CFP: variants seen among roughly 807,000 people sequenced by gnomAD.
CFP encodes properdin.
A neutral mutation model predicts 42.1 loss-of-function variants in CFP; 14 were observed. The observed-to-expected ratio is 0.33, with a 90% CI of 0.22 to 0.52. CFP has a LOEUF of 0.52. Ranked by LOEUF, CFP falls within the 20% of genes least tolerant of loss-of-function variation. The pLI, the probability that CFP is intolerant of heterozygous loss-of-function variation, is 0.96. For synonymous variants in CFP, 149 were observed against 160.6 expected (o/e 0.93, Z 0.54); for missense variants, 318 against 400.4 (o/e 0.79, Z 1.76).
At chrX:47,630,030 C>T (rs2057985169), upstream of CFP, 1 of 481,102 alleles carries the variant, frequency 2.1e-6, no homozygotes, top group South Asian at 3.0e-5. Flanking sequence ...TCCTGTCTTA[C>T]TCTTGGTCTT....
chrX:47,629,050 T>G, intron 2 of CFP: 1 of 151,721 alleles, frequency 6.6e-6, no homozygotes, highest in South Asian at 1.5e-4. Flanking sequence ...GCCCCCACAG[T>G]GTGTCCATAT....
chrX:47,623,996 C>A lies in CFP; in HGVS notation c.*279G>T. The A allele has an allele frequency of 5.5e-6, 2 of 366,103 alleles. No individual in the cohort carries two copies. The highest frequency in any genetic ancestry group is 9.7e-6 in the Non-Finnish European group (2 of 206,554). 30.2% of individuals were successfully genotyped at this position (366,103 alleles called of 1,213,427 possible). A position where few individuals can be genotyped will look rare whatever the true frequency, so the allele number is the denominator to read the frequency against. On this transcript the variant is annotated 3_prime_UTR_variant, in exon 9 of 9. Transcript: ENST00000396992. ...GAGGCTCTAAGGGGGCTGCGCAGGG[C>A]CCAGACATTGGGGTTATGGCAGCGG...
chrX:47,628,421 G>A (rs970991273), intron 2 of CFP, 144 bp from the exon 3 acceptor site: 1 of 580,372 alleles, frequency 1.7e-6, no homozygotes, highest in Non-Finnish European at 2.9e-6. Flanking sequence ...TAGGGATATT[G>A]GGATACTGAT....
chrX:47,629,947 G>A, upstream of CFP: 1 of 876,697 alleles, frequency 1.1e-6, no homozygotes, highest in Non-Finnish European at 1.6e-6. Flanking sequence ...AGAGGCAGGA[G>A]GAACTGGGAG....
rs906806632 is a variant in CFP, at chrX:47,627,574, C to T, written c.471G>A (p.Arg157=). Residue 157 remains arginine, a synonymous_variant, in exon 4 of 9, where the codon CGG becomes CGA. Transcript: ENST00000396992. ...PCSVTCSKGT[R]TRRRACNHPA... is the part of the protein sequence containing the mutation. ...GGTGATTACAGGCTCGCCTGCGGGT[C>T]CGGGTCCCTTTGGAGCAGGTGACAG... 8.3e-7 allele frequency: 1 copy of T among 1,205,414 alleles called. No homozygotes were observed. The highest frequency in any genetic ancestry group is 1.1e-6 in the Non-Finnish European group (1 of 892,429).
Position 47,626,515 on chromosome X carries a change from A to G in CFP, c.945T>C (p.Asp315=). 1 of 1,211,351 alleles carries G rather than the reference A, an allele frequency of 8.3e-7. No homozygotes were observed. Among genetic ancestry groups the G allele is most frequent in the Non-Finnish European group, 1.1e-6 (1 of 895,116 alleles). ...ACTCCCCCCACGAGTCCCACTCCCC[A>G]TCCACTGCAGAGACAGGGCAACAGG... The part of the protein sequence containing the change: ...ICNTAVPCPV[D]GEWDSWGEWS... The change falls in exon 7 of 9, where the codon GAT becomes GAC. Residue 315 remains aspartate, a synonymous_variant. Coordinates refer to ENST00000396992, the MANE Select transcript of CFP (RefSeq NM_001145252.3).
At position 47,627,046 on chromosome X, in the gene CFP, T is replaced by C. The variant is rs932198029; in HGVS notation, c.766+95A>G. Reference sequence around the variant, plus strand: ...GACTGTCCCCAAATGAAGGGCTGCATGGTCACATGGCCTAGGAACTCTAGA... The same window carrying C: ...GACTGTCCCCAAATGAAGGGCTGCACGGTCACATGGCCTAGGAACTCTAGA... On this transcript the variant is annotated intron_variant, in intron 5 of 8. Transcript: ENST00000396992. 28 of 1,146,217 alleles carry C rather than the reference T, an allele frequency of 2.4e-5. No homozygotes were observed. In the South Asian group the frequency reaches 4.5e-4, roughly 19 times the overall value. The allele number at this position is 1,146,217 out of a possible 1,213,427, so 94.5% of individuals were successfully genotyped here.
At chrX:47,626,710 C>G (rs2057969860) in intron 6 of CFP, 63 bp downstream of exon 6, 1 of 1,141,598 alleles carries the variant, frequency 8.8e-7, no homozygotes, top group South Asian at 2.0e-5. Flanking sequence ...GCAGCAGGAG[C>G]TGGGCAGCAG....
chrX:47,624,120 C>G lies in CFP; in HGVS notation c.*155G>C. Reference sequence around the variant, plus strand: ...CGCAACAGGCTGCTGTGTCTTGGCCCGTGCTGTGCTGTTTGCCCTATGAGA... The same window carrying G: ...CGCAACAGGCTGCTGTGTCTTGGCCGGTGCTGTGCTGTTTGCCCTATGAGA... On this transcript the variant is annotated 3_prime_UTR_variant, in exon 9 of 9. Coordinates refer to ENST00000396992, the MANE Select transcript of CFP (RefSeq NM_001145252.3). 1 of 563,296 alleles carries G rather than the reference C, an allele frequency of 1.8e-6. No homozygotes were observed. The highest frequency in any genetic ancestry group is 3.0e-6 in the Non-Finnish European group (1 of 327,878). 46.4% of individuals were successfully genotyped at this position (563,296 alleles called of 1,213,427 possible). A position where few individuals can be genotyped will look rare whatever the true frequency, so the allele number is the denominator to read the frequency against.
At position 47,626,101 on chromosome X, in the gene CFP, G is replaced by T; in HGVS notation, c.1201C>A (p.Arg401Ser). 8.5e-7 allele frequency: 1 copy of T among 1,180,006 alleles called. No homozygotes were observed. The highest frequency in any genetic ancestry group is 1.1e-6 in the Non-Finnish European group (1 of 878,770). ...GGTGTGCAGAGGCGCTGGCGGGCAC[G>T]GGTAGGATTAGGTCCACAGGGGGGC... ...CMPPCGPNPT[R>S]ARQRLCTPLL... The change falls in exon 8 of 9, where the codon CGT becomes AGT. Residue 401 changes from arginine (R) to serine (S), a missense_variant. Transcript: ENST00000396992.
rs1230069679 is a variant in CFP, at chrX:47,629,336, T to G, written c.227+188A>C. On this transcript the variant is annotated intron_variant, in intron 2 of 8. Transcript: ENST00000396992. ...CACAATACACAGGTAAGCAATCCCC[T>G]CCCCCAGCCAAGAATTTCCAGCCCC... 3 of 431,967 alleles carry G rather than the reference T, an allele frequency of 6.9e-6. No homozygotes were observed. In the African/African-American group the frequency reaches 7.5e-5, roughly 11 times the overall value. 35.6% of individuals were successfully genotyped at this position (431,967 alleles called of 1,213,427 possible).
intron 8 of CFP, chrX:47,624,689 C>T: frequency 3.2e-6 from 1 of 315,158 alleles, no homozygotes; most frequent in Non-Finnish European, 5.5e-6. Flanking sequence ...CAAAGTGTTG[C>T]TGGGATTACA....
Position 47,628,234 on chromosome X carries a change from C to T in CFP, c.271G>A (p.Val91Met), listed in dbSNP as rs1041649478. 2.5e-6 allele frequency: 3 copies of T among 1,210,901 alleles called. No individual in the cohort carries two copies. Among genetic ancestry groups the T allele is most frequent in the Non-Finnish European group, 3.4e-6 (3 of 895,058 alleles). ...SLWSTWAPCS[V>M]TCSEGSQLRY... ...AGCTGGGAGCCCTCAGAGCACGTCA[C>T]CGAACAGGGGGCCCATGTGGACCAC... Residue 91 changes from valine to methionine, a missense_variant, in exon 3 of 9, where the codon GTG becomes ATG. By Grantham distance (21) the Val-to-Met change is conservative (BLOSUM62 1). Coordinates refer to ENST00000396992, the MANE Select transcript of CFP (RefSeq NM_001145252.3).
At position 47,629,901 on chromosome X, in the gene CFP, G is replaced by C; in HGVS notation, c.-57C>G. On this transcript the variant is annotated 5_prime_UTR_variant, in exon 1 of 9. The change creates a new upstream start codon in the 5' untranslated region. Transcript: ENST00000396992. ...GAGGAGGTCCCGCTTTATCTGGGTT[G>C]ATAGGCTCCTGGAATCAGCAGGGAA... 1.8e-6 allele frequency: 2 copies of C among 1,117,154 alleles called. No homozygotes were observed. The highest frequency in any genetic ancestry group is 2.4e-6 in the Non-Finnish European group (2 of 827,095). The allele number at this position is 1,117,154 out of a possible 1,213,427, so 92.1% of individuals were successfully genotyped here.
At chrX:47,629,119 C>A (rs1180453319) in intron 2 of CFP, 1 of 167,583 alleles carries the variant, frequency 6.0e-6, no homozygotes, top group African/African-American at 3.1e-5. Context: ...CCAAGCTGCA[C>A]CCCACCTGCA....
Position 47,629,510 on chromosome X carries a change from A to G in CFP, c.227+14T>C. On this transcript the variant is annotated intron_variant, in intron 2 of 8. Transcript: ENST00000396992. ...TTCCCTCCCCCCCATCCCCCACCCCAGGCTCCCCCTAACCTGCAAGGCTGA... is the reference window on the plus strand; with the variant it reads ...TTCCCTCCCCCCCATCCCCCACCCCGGGCTCCCCCTAACCTGCAAGGCTGA... The G allele has an allele frequency of 3.5e-6, 1 of 288,617 alleles. No homozygotes were observed. Among genetic ancestry groups the G allele is most frequent in the Non-Finnish European group, 5.8e-6 (1 of 173,824 alleles). The allele number at this position is 288,617 out of a possible 1,213,427, so 23.8% of individuals were successfully genotyped here. A position where few individuals can be genotyped will look rare whatever the true frequency, so the allele number is the denominator to read the frequency against.
At chrX:47,630,298 C>T (rs749021048), upstream of CFP, 9 of 164,749 alleles carry the variant, frequency 5.5e-5, no homozygotes, top group South Asian at 9.0e-4. Flanking sequence ...AGTGAGTGTG[C>T]GGTGCTCAGT....
At chrX:47,625,949 G>C in intron 8 of CFP, 109 bp downstream of exon 8, 1 of 631,896 alleles carries the variant, frequency 1.6e-6, no homozygotes, top group East Asian at 3.6e-5. Flanking sequence ...CACTCGGCAA[G>C]GCAGATACCT....
At position 47,629,579 on chromosome X, in the gene CFP, G is replaced by T; in HGVS notation, c.172C>A (p.Leu58Ile). ...TTCTGGTAGGCAAAGGCAGTGTTGA[G>T]ACAGCAGTCTTCCACGCTGACACCA... ...GGGVSVEDCC[L>I]NTAFAYQKRS... The change falls in exon 2 of 9, where the codon CTC (leucine) becomes ATC (isoleucine). Residue 58 changes from leucine to isoleucine, a missense_variant. Leu to Ile is a conservative substitution (Grantham distance 5). Transcript: ENST00000396992. 1 of 1,167,539 alleles carries T rather than the reference G, an allele frequency of 8.6e-7. No individual in the cohort carries two copies. Among genetic ancestry groups the T allele is most frequent in the Non-Finnish European group, 1.1e-6 (1 of 872,027 alleles).
Sources: gnomAD v4.1 joint callset for allele counts on GRCh38, gnomAD v4.1.1 for gene constraint, MANE v1.5 for transcripts, NCBI Gene and HGNC (gene_info 2026-07-23, HGNC 2026-07-21) for gene names.